Variants in MYO6 observed in about 807,000 individuals in gnomAD.
MYO6 encodes the protein myosin VI, also known as unconventional myosin-VI.
MYO6 carries 74 observed loss-of-function variants against 178.7 expected under a neutral mutation model. The observed-to-expected ratio is 0.41, with a 90% CI of 0.34 to 0.50. MYO6 has a LOEUF of 0.50. Ranked by LOEUF, MYO6 falls within the 20% of genes least tolerant of loss-of-function variation. MYO6 has a pLI of 0.09. For synonymous variants in MYO6, 477 were observed against 504.6 expected, an observed-to-expected ratio of 0.95 and a Z score of 0.73; for missense variants, 1,330 against 1,547.4, an observed-to-expected ratio of 0.86 and a Z score of 2.36.
intron 17 of MYO6, 133 bp downstream of exon 17, chr6:75,866,754 C>A: frequency 9.3e-7 from 1 of 1,071,470 alleles, no homozygotes; most frequent in Non-Finnish European, 1.4e-6. Context: ...AAGTTCAATT[C>A]CTCAGTACAC....
intron 23 of MYO6, among the ~76,000 whole-genome samples, chr6:75,883,514 G>C (rs1052209679): frequency 6.6e-6 from 1 of 152,014 alleles, no homozygotes; most frequent in African/African-American, 2.4e-5. Flanking sequence ...TAGGATTTTT[G>C]ATGTTAGGGA....
rs766607714 is a variant in MYO6 at position 75,845,021 on chromosome 6, A to C, written c.897+44A>C. The stretch of plus-strand genomic sequence containing the variant: ...CATAAAATCTTTAACTTAAAAAAAA[A>C]CTCATGCTGAAAGATGTGTTATAAT... On this transcript the variant is annotated intron_variant, in intron 10 of 34. Transcript: ENST00000369977. 6 of 1,461,194 alleles carry C rather than the reference A, an allele frequency of 4.1e-6. No homozygotes were observed. In the Admixed American group the frequency reaches 8.4e-5, roughly 21 times the overall value. The allele number at this position is 1,461,194 out of a possible 1,614,324, so 90.5% of individuals were successfully genotyped here.
intron 1 of MYO6, among the ~76,000 whole-genome samples, chr6:75,756,374 C>T (rs1485757548): frequency 6.6e-6 from 1 of 152,082 alleles, no homozygotes; most frequent in Non-Finnish European, 1.5e-5. Context: ...GCTCTGTCAC[C>T]CAGGCTGGAG....
At chr6:75,836,053 ACT>A in intron 7 of MYO6, 97 bp downstream of exon 7, 3 of 829,728 alleles carry the variant, frequency 3.6e-6, no homozygotes, top group Non-Finnish European at 6.3e-6. Context: ...GATGCAAAAG[ACT>A]CTCTTATCTC....
chr6:75,887,198 A>G (rs939118520), intron 25 of MYO6, among the ~76,000 whole-genome samples: 5 of 152,136 alleles, frequency 3.3e-5, no homozygotes, highest in Non-Finnish European at 7.3e-5. Flanking sequence ...TAAAGAAGAC[A>G]ATTTTTATGC....
intron 1 of MYO6, among the ~76,000 whole-genome samples, chr6:75,803,040 T>C (rs1281843966): frequency 6.6e-6 from 1 of 152,208 alleles, no homozygotes; most frequent in African/African-American, 2.4e-5. Flanking sequence ...TAATAACGAT[T>C]GCATATATTA....
intron 2 of MYO6, among the ~76,000 whole-genome samples, chr6:75,818,678 T>C (rs1771541533): frequency 6.6e-6 from 1 of 152,200 alleles, no homozygotes; most frequent in African/African-American, 2.4e-5. Context: ...GGTGGATCTC[T>C]CATGAGGTCT....
intron 1 of MYO6, among the ~76,000 whole-genome samples, chr6:75,770,977 A>G (rs778592489): frequency 3.3e-5 from 5 of 151,778 alleles, no homozygotes; most frequent in Non-Finnish European, 5.9e-5. Flanking sequence ...TGTGTAAGCT[A>G]TAAGATAACA....
At chr6:75,802,868 C>T (rs1193220241) in intron 1 of MYO6, among the ~76,000 whole-genome samples, 1 of 152,114 alleles carries the variant, frequency 6.6e-6, no homozygotes, top group Non-Finnish European at 1.5e-5. Flanking sequence ...AGATTAGTCA[C>T]AGCATATGGA....
chr6:75,779,388 A>C (rs1318180654), intron 1 of MYO6, among the ~76,000 whole-genome samples: 1 of 152,004 alleles, frequency 6.6e-6, no homozygotes, highest in Non-Finnish European at 1.5e-5. Context: ...TGTGGTCCCA[A>C]CTACTTGGGC....
intron 16 of MYO6, 59 bp downstream of exon 16, chr6:75,862,782 G>T (rs1776312297): frequency 6.3e-7 from 1 of 1,575,688 alleles, no homozygotes; most frequent in Non-Finnish European, 8.7e-7. Flanking sequence ...TTAAAAAGGT[G>T]CATTAGCTAT....
At chr6:75,910,691 CT>C (rs771963628) in intron 32 of MYO6, among the ~76,000 whole-genome samples, 2 of 151,820 alleles carry the variant, frequency 1.3e-5, no homozygotes, top group Non-Finnish European at 2.9e-5. Flanking sequence ...CTGAAAAGTA[CT>C]TTTTTTTGCT....
At chr6:75,842,719 A>G (rs536047130) in intron 9 of MYO6, among the ~76,000 whole-genome samples, 24 of 152,330 alleles carry the variant, frequency 1.6e-4, no homozygotes, top group African/African-American at 5.8e-4. Flanking sequence ...AAAGGAATAA[A>G]TTACTAGGAA....
intron 1 of MYO6, among the ~76,000 whole-genome samples, chr6:75,767,088 C>T (rs983226053): frequency 2.6e-5 from 4 of 151,556 alleles, no homozygotes; most frequent in African/African-American, 9.7e-5. Flanking sequence ...TGCAGTGGCA[C>T]AATCTTGGCT....
chr6:75,825,958 C>T (rs1772425962), intron 3 of MYO6, among the ~76,000 whole-genome samples: 1 of 151,864 alleles, frequency 6.6e-6, no homozygotes, highest in African/African-American at 2.4e-5. Context: ...TTTTAATATT[C>T]TTTTGGGTAT....
At chr6:75,876,119 C>CT (rs1339526496) in intron 20 of MYO6, among the ~76,000 whole-genome samples, 1 of 152,050 alleles carries the variant, frequency 6.6e-6, no homozygotes, top group African/African-American at 2.4e-5. Context: ...ATACTTTTTC[C>CT]TTTATCTTTC....
chr6:75,884,856 G>T, intron 23 of MYO6, among the ~76,000 whole-genome samples: 1 of 152,272 alleles, frequency 6.6e-6, no homozygotes, highest in Non-Finnish European at 1.5e-5. Context: ...TTACAACTGT[G>T]ATGTTATACC....
In MYO6 at chr6:75,865,659, C is replaced by T. The variant is rs138963687; in HGVS notation, c.1675-867C>T. On this transcript the variant is annotated intron_variant, in intron 16 of 34. Coordinates refer to ENST00000369977, the MANE Select transcript of MYO6 (RefSeq NM_004999.4). ...GGATTATAGGTGTGTGCCACCACACCTAGCCCAACATCACTTTTCTTACCC... is the reference window on the plus strand; with the variant it reads ...GGATTATAGGTGTGTGCCACCACACTTAGCCCAACATCACTTTTCTTACCC... Among the ~76,000 whole-genome samples, 1,140 of 152,176 alleles carry T rather than the reference C, an allele frequency of 7.5e-3. 43 individuals carry two copies. Among genetic ancestry groups the T allele is most frequent in the Admixed American group, 0.063 (960 of 15,270 alleles).
At chr6:75,831,794 G>C (rs575778543) in intron 5 of MYO6, among the ~76,000 whole-genome samples, 23 of 152,002 alleles carry the variant, frequency 1.5e-4, no homozygotes, top group South Asian at 6.2e-4. Context: ...GGAGGCAGTG[G>C]TGGGAAGATC....
Sources: gnomAD v4.1 joint callset for allele counts (sites outside exome capture counted in the v4.1 genomes callset) on GRCh38, gnomAD v4.1.1 for gene constraint, MANE v1.5 for transcripts, NCBI Gene and HGNC (gene_info 2026-07-23, HGNC 2026-07-21) for gene names.